Variants in FOXP2 observed in about 807,000 individuals in gnomAD.
The protein encoded by FOXP2 is forkhead box protein P2.
A neutral mutation model predicts 115.8 loss-of-function variants in FOXP2; 12 were observed. The observed-to-expected ratio is 0.10, with a 90% confidence interval of 0.07 to 0.17. The LOEUF (loss-of-function observed/expected upper bound fraction) is 0.17. Among genes scored for constraint, FOXP2 ranks in the 10% least tolerant of loss-of-function variants. The pLI, the probability that FOXP2 is intolerant of heterozygous loss-of-function variation, is 1.00. For synonymous variants in FOXP2, 328 were observed against 297.7 expected, an observed-to-expected ratio of 1.10 and a Z score of -1.05; for missense variants, 629 against 843.5, an observed-to-expected ratio of 0.75 and a Z score of 3.15.
At chr7:114,438,589 T>C (rs759037937) in intron 2 of FOXP2, among the ~76,000 whole-genome samples, 1 of 152,090 alleles carries the variant, frequency 6.6e-6, no homozygotes, top group Non-Finnish European at 1.5e-5. Context: ...AGTGAATATA[T>C]GTGTTTCGTT....
chr7:114,693,655 G>C lies in FOXP2; in HGVS notation c.*3729G>C, dbSNP rs1230179564. 1 of 429,860 alleles carries C rather than the reference G, an allele frequency of 2.3e-6. No homozygotes were observed. The highest frequency in any genetic ancestry group is 1.7e-5 in the South Asian group (1 of 59,384). 26.6% of individuals were successfully genotyped at this position (429,860 alleles called of 1,614,324 possible). ...ATGTACATTTTACTATAGAATTAATGTATGAACAGTGTGTCACTGCTGTTG... is the reference window on the plus strand; with the variant it reads ...ATGTACATTTTACTATAGAATTAATCTATGAACAGTGTGTCACTGCTGTTG... On this transcript the variant is annotated 3_prime_UTR_variant, in exon 17 of 17. Transcript: ENST00000350908.
intron 2 of FOXP2, among the ~76,000 whole-genome samples, chr7:114,512,207 A>G (rs1328501019): frequency 6.6e-6 from 1 of 152,196 alleles, no homozygotes; most frequent in African/African-American, 2.4e-5. Flanking sequence ...GTGAACAGAA[A>G]GGCAGAGCTT....
chr7:114,630,064 C>A, intron 5 of FOXP2, 59 bp downstream of exon 5: 1 of 1,601,042 alleles, frequency 6.2e-7, no homozygotes. Flanking sequence ...GGGCTTTGAG[C>A]GGCAAGAATA....
At chr7:114,657,414 C>T (rs1228920392) in intron 10 of FOXP2, among the ~76,000 whole-genome samples, 1 of 152,268 alleles carries the variant, frequency 6.6e-6, no homozygotes, top group South Asian at 2.1e-4. Flanking sequence ...ACACATGCCA[C>T]AAATGATTGT....
At chr7:114,374,331 A>T (rs1392692644) in intron 2 of FOXP2, among the ~76,000 whole-genome samples, 1 of 152,212 alleles carries the variant, frequency 6.6e-6, no homozygotes, top group Admixed American at 6.5e-5. Context: ...TTAAGGTTTG[A>T]TAAGGTAAAA....
At chr7:114,408,642 G>A (rs1293180174) in intron 2 of FOXP2, among the ~76,000 whole-genome samples, 2 of 152,004 alleles carry the variant, frequency 1.3e-5, no homozygotes, top group Admixed American at 6.6e-5. Context: ...CAGGAGAATC[G>A]CTTGAACCTG....
intron 2 of FOXP2, among the ~76,000 whole-genome samples, chr7:114,305,236 G>C (rs1796985770): frequency 6.6e-6 from 1 of 152,100 alleles, no homozygotes. Flanking sequence ...GATTTACCAA[G>C]AGCTTGAAGG....
intron 1 of FOXP2, among the ~76,000 whole-genome samples, chr7:114,188,307 A>C (rs192788159): frequency 6.6e-6 from 1 of 152,108 alleles, no homozygotes; most frequent in African/African-American, 2.4e-5. Context: ...TTCTTCATCT[A>C]TTGGTACTTT....
chr7:114,499,148 A>G, intron 2 of FOXP2: 2 of 493,082 alleles, frequency 4.1e-6, no homozygotes, highest in Non-Finnish European at 7.2e-6. Context: ...GAAATGAACT[A>G]CTGCAACTTA....
chr7:114,087,475 G>C (rs577352113), upstream of FOXP2, among the ~76,000 whole-genome samples: 1 of 152,212 alleles, frequency 6.6e-6, no homozygotes, highest in South Asian at 2.1e-4. Flanking sequence ...ACTTGGTGAG[G>C]GGACGTGGGA....
chr7:114,663,318 T>G, intron 14 of FOXP2, 132 bp from the exon 15 acceptor site: 2 of 647,278 alleles, frequency 3.1e-6, no homozygotes, highest in Non-Finnish European at 5.4e-6. Flanking sequence ...ACCTTATTTT[T>G]GTGGCCTTAT....
chr7:114,618,115 G>A (rs533174161), intron 3 of FOXP2, among the ~76,000 whole-genome samples: 23 of 152,076 alleles, frequency 1.5e-4, no homozygotes, highest in African/African-American at 5.5e-4. Flanking sequence ...TATTCTTCCT[G>A]TGCATTCTCC....
At chr7:114,514,858 C>T (rs1380624000) in intron 2 of FOXP2, among the ~76,000 whole-genome samples, 3 of 151,102 alleles carry the variant, frequency 2.0e-5, no homozygotes, top group East Asian at 1.9e-4. Flanking sequence ...CTAAAGCTAT[C>T]CCTCCCCCTT....
chr7:114,133,449 A>G (rs1009342947), intron 1 of FOXP2, among the ~76,000 whole-genome samples: 4 of 152,246 alleles, frequency 2.6e-5, no homozygotes, highest in Non-Finnish European at 2.9e-5. Context: ...ACTAGAAATT[A>G]CGAGGCTAGA....
chr7:114,629,951 GCAGCAGCAA>G lies in FOXP2; in HGVS notation c.552_560del (p.Gln189_Gln191del), dbSNP rs775459428. ...AACAACAGCAGCAACAACAGCAGCA[GCAGCAGCAA>G]CAGCAGCAGCAGCAGCAACAGCATC... On this transcript the variant is annotated inframe_deletion, in exon 5 of 17. Transcript: ENST00000350908. 2 of 1,611,326 alleles carry G rather than the reference GCAGCAGCAA, an allele frequency of 1.2e-6. No homozygotes were observed. Among genetic ancestry groups the G allele is most frequent in the Non-Finnish European group, 8.5e-7 (1 of 1,178,938 alleles).
At chr7:114,513,282 T>G (rs1798165316) in intron 2 of FOXP2, among the ~76,000 whole-genome samples, 1 of 152,104 alleles carries the variant, frequency 6.6e-6, no homozygotes, top group Non-Finnish European at 1.5e-5. Context: ...CAACAAATGG[T>G]CAGGGGACAT....
At chr7:114,672,852 G>A (rs972631166) in intron 16 of FOXP2, among the ~76,000 whole-genome samples, 3 of 152,094 alleles carry the variant, frequency 2.0e-5, no homozygotes, top group African/African-American at 7.2e-5. Flanking sequence ...AGCAGCGGAT[G>A]GGTAACAACT....
chr7:114,554,843 T>C (rs1455925428), intron 3 of FOXP2, among the ~76,000 whole-genome samples: 1 of 152,198 alleles, frequency 6.6e-6, no homozygotes, highest in Non-Finnish European at 1.5e-5. Flanking sequence ...ATTTTGGTGT[T>C]TTGCGTTTTA....
chr7:114,171,335 G>T (rs930411906), intron 1 of FOXP2, among the ~76,000 whole-genome samples: 1 of 152,132 alleles, frequency 6.6e-6, no homozygotes, highest in Non-Finnish European at 1.5e-5. Flanking sequence ...CATTTTGAGA[G>T]GCCAAGACAG....
Sources: allele counts gnomAD v4.1 joint callset (sites outside exome capture counted in the v4.1 genomes callset), GRCh38; gene constraint gnomAD v4.1.1; transcripts MANE v1.5; gene names NCBI Gene and HGNC (gene_info 2026-07-23, HGNC 2026-07-21).